The following MGAT4C variants were observed in gnomAD, a reference collection of about 807,000 sequenced individuals.
The protein encoded by MGAT4C is alpha-1,3-mannosyl-glycoprotein 4-beta-N-acetylglucosaminyltransferase C.
In MGAT4C, 19 loss-of-function variants were observed where a neutral mutation model predicts 40.1. The ratio of observed to expected loss-of-function variants is 0.47; its 90% confidence interval spans 0.33 to 0.70. The LOEUF (loss-of-function observed/expected upper bound fraction) is 0.70, where lower values mean the gene tolerates loss of function less well. MGAT4C is among the 30% of genes least tolerant of loss of function. MGAT4C has a pLI of 0.02. For synonymous variants in MGAT4C, 181 were observed against 187.1 expected (o/e 0.97, Z 0.27); for missense variants, 491 against 563.2 (o/e 0.87, Z 1.30).
intron 2 of MGAT4C, among the ~76,000 whole-genome samples, chr12:86,570,666 G>A (rs1169679435): frequency 6.6e-6 from 1 of 152,092 alleles, no homozygotes. Context: ...GTATGCTTCA[G>A]GACAATGGTC....
intron 4 of MGAT4C, among the ~76,000 whole-genome samples, chr12:86,282,609 T>C (rs1265859112): frequency 1.3e-5 from 2 of 152,098 alleles, no homozygotes; most frequent in African/African-American, 4.8e-5. Flanking sequence ...TCCATATATC[T>C]AGTAAATATT....
chr12:86,628,436 C>T (rs1183155785), intron 2 of MGAT4C, among the ~76,000 whole-genome samples: 4 of 150,802 alleles, frequency 2.7e-5, no homozygotes, highest in South Asian at 2.1e-4. Context: ...CCCCAAGACA[C>T]ATAATTGTCA....
At chr12:86,090,480 C>T (rs1464689808) in intron 1 of MGAT4C, among the ~76,000 whole-genome samples, 1 of 151,490 alleles carries the variant, frequency 6.6e-6, no homozygotes, top group African/African-American at 2.4e-5. Flanking sequence ...TACTTTTAGC[C>T]CTTAAATATG....
chr12:86,406,332 C>T (rs963834950), intron 3 of MGAT4C, among the ~76,000 whole-genome samples: 1 of 151,518 alleles, frequency 6.6e-6, no homozygotes, highest in African/African-American at 2.4e-5. Flanking sequence ...GAGAAAAATA[C>T]TTGTAAACTG....
intron 3 of MGAT4C, among the ~76,000 whole-genome samples, chr12:86,393,875 C>T (rs1016480891): frequency 5.3e-5 from 8 of 152,288 alleles, no homozygotes; most frequent in African/African-American, 1.7e-4. Context: ...GAAACACTGG[C>T]TTCACTCATC....
chr12:85,963,738 T>C lies in MGAT4C; in HGVS notation c.*15551A>G, dbSNP rs1310520015. The C allele has an allele frequency of 1.3e-5, 2 of 151,796 alleles. No individual in the cohort carries two copies. Among genetic ancestry groups the C allele is most frequent in the African/African-American group, 4.8e-5 (2 of 41,246 alleles). The allele number at this position is 151,796 out of a possible 1,614,324, so 9.4% of individuals were successfully genotyped here. The stretch of plus-strand genomic sequence containing the variant: ...AATCATGACCCCAGGGCTGATGAAG[T>C]CTTGTTGTAACGTGTAAATGGGGTG... On this transcript the variant is annotated 3_prime_UTR_variant, in exon 5 of 5. Transcript: ENST00000611864.
At chr12:86,300,754 C>G (rs1029612060) in intron 4 of MGAT4C, among the ~76,000 whole-genome samples, 5 of 152,018 alleles carry the variant, frequency 3.3e-5, no homozygotes, top group South Asian at 4.1e-4. Context: ...TTTATGAAAT[C>G]TGTTTCACTT....
Position 86,218,330 on chromosome 12 carries a change from C to A in MGAT4C, c.-57+37909G>T, listed in dbSNP as rs73180152. ...TGACCTGTAATACTATTTTGATGAA[C>A]CCTTGATATTTTTGACAAACTTCCC... On this transcript the variant is annotated intron_variant, in intron 1 of 4. Coordinates refer to ENST00000611864, the MANE Select transcript of MGAT4C (RefSeq NM_001351288.2). Among the ~76,000 whole-genome samples the A allele has an allele frequency of 9.0e-3, 1,375 of 151,990 alleles. 8 individuals carry two copies. Among genetic ancestry groups the A allele is most frequent in the Middle Eastern group, 0.017 (5 of 294 alleles).
rs138014348 is a variant in MGAT4C, at chr12:86,318,702, A to G, written c.-57+15363T>C. Among the ~76,000 whole-genome samples the G allele has an allele frequency of 3.0e-3, 455 of 152,118 alleles. 2 individuals are homozygous for G. The highest frequency in any genetic ancestry group is 0.01 in the African/African-American group (435 of 41,530). On this transcript the variant is annotated intron_variant, in intron 4 of 7. Transcript: ENST00000548651. ...TGTTTTAATTATATTATAGTATTATATTTATCATATTATATGTAAAGTAAA... is the reference window on the plus strand; with the variant it reads ...TGTTTTAATTATATTATAGTATTATGTTTATCATATTATATGTAAAGTAAA...
chr12:86,767,789 A>C (rs373580943), intron 1 of MGAT4C, among the ~76,000 whole-genome samples: 1,805 of 152,334 alleles, frequency 0.012, 24 homozygotes, highest in African/African-American at 0.037. Flanking sequence ...CAATAGATGC[A>C]GAAAAGGCCT....
chr12:86,433,215 C>G (rs1347812149), intron 3 of MGAT4C, among the ~76,000 whole-genome samples: 1 of 151,818 alleles, frequency 6.6e-6, no homozygotes, highest in East Asian at 1.9e-4. Context: ...ACAATTGTAG[C>G]TCCTAAACGT....
intron 1 of MGAT4C, among the ~76,000 whole-genome samples, chr12:86,766,826 C>A (rs919709338): frequency 1.2e-4 from 18 of 151,742 alleles, no homozygotes; most frequent in African/African-American, 3.9e-4. Context: ...CCAACGAGAA[C>A]AAAGACACAA....
At chr12:86,387,725 T>C (rs910902931) in intron 3 of MGAT4C, among the ~76,000 whole-genome samples, 2 of 152,276 alleles carry the variant, frequency 1.3e-5, no homozygotes, top group Admixed American at 6.5e-5. Context: ...GTATGACTTC[T>C]GTAGCCCTAA....
chr12:86,021,547 A>T (rs1053814400), intron 2 of MGAT4C, among the ~76,000 whole-genome samples: 1 of 135,732 alleles, frequency 7.4e-6, no homozygotes, highest in Non-Finnish European at 1.5e-5. Context: ...ATGAGAACAC[A>T]TGGACACAGT....
chr12:86,414,900 T>G (rs188320670), intron 3 of MGAT4C, among the ~76,000 whole-genome samples: 2 of 152,190 alleles, frequency 1.3e-5, no homozygotes, highest in East Asian at 3.9e-4. Flanking sequence ...TAGACCAATG[T>G]CCTTTCTCCC....
At chr12:86,811,336 A>ATT (rs553885593) in intron 1 of MGAT4C, among the ~76,000 whole-genome samples, 29 of 106,926 alleles carry the variant, frequency 2.7e-4, no homozygotes, top group Non-Finnish European at 3.9e-4. Context: ...CACTCATAGT[A>ATT]TTTTTTTTTT....
intron 4 of MGAT4C, among the ~76,000 whole-genome samples, chr12:86,269,013 C>CATATAT (rs60328579): frequency 7.9e-4 from 59 of 74,676 alleles, no homozygotes; most frequent in Non-Finnish European, 9.5e-4. Flanking sequence ...TTCATACTTA[C>CATATAT]ATATATATAT....
chr12:86,125,978 GT>G (rs1442493221), intron 1 of MGAT4C, among the ~76,000 whole-genome samples: 1 of 151,084 alleles, frequency 6.6e-6, no homozygotes, highest in Non-Finnish European at 1.5e-5. Context: ...AGAAAATCAA[GT>G]TAAAAATCAG....
chr12:86,380,034 G>GTATCGCC (rs1271804730), intron 3 of MGAT4C, among the ~76,000 whole-genome samples: 1 of 152,018 alleles, frequency 6.6e-6, no homozygotes, highest in Non-Finnish European at 1.5e-5. Flanking sequence ...GATATCCTAG[G>GTATCGCC]TATTATTTTC....
Sources: gnomAD v4.1 joint callset for allele counts (sites outside exome capture counted in the v4.1 genomes callset) on GRCh38, gnomAD v4.1.1 for gene constraint, MANE v1.5 for transcripts, NCBI Gene and HGNC (gene_info 2026-07-23, HGNC 2026-07-21) for gene names.